Variants in MYO1E observed in about 807,000 individuals in gnomAD.
MYO1E encodes myosin IE, also known as unconventional myosin-Ie.
Under a neutral mutation model 151.1 loss-of-function variants are expected in MYO1E, and 68 were observed. The observed-to-expected ratio is 0.45, with a 90% confidence interval of 0.37 to 0.55. MYO1E has a LOEUF of 0.55. MYO1E is among the 20% of genes least tolerant of loss of function. The pLI, the probability that MYO1E is intolerant of heterozygous loss-of-function variation, is 0.00. For missense variants in MYO1E, 1,363 were observed against 1,389.3 expected (o/e 0.98, Z 0.30); for synonymous variants, 601 against 501.7 (o/e 1.20, Z -2.64).
At chr15:59,250,907 G>A (rs1308077995) in intron 4 of MYO1E, among the ~76,000 whole-genome samples, 4 of 152,142 alleles carry the variant, frequency 2.6e-5, no homozygotes, top group African/African-American at 9.7e-5. Context: ...CAGTGCAGGT[G>A]GACCTTGCAG....
At chr15:59,163,925 G>A (rs1053992771) in intron 22 of MYO1E, among the ~76,000 whole-genome samples, 2 of 152,202 alleles carry the variant, frequency 1.3e-5, no homozygotes, top group African/African-American at 4.8e-5. Context: ...CAGCAAACAA[G>A]CAAAAATCAT....
chr15:59,195,507 T>G lies in MYO1E; in HGVS notation c.1759A>C (p.Ile587Leu), dbSNP rs183502749. The change falls in exon 17 of 28, where the codon ATC becomes CTC. Residue 587 changes from isoleucine to leucine, a missense_variant. Transcript: ENST00000288235. ...MKCTPHYIRCIKPNETKKPRD... is the reference protein window; with the variant it reads ...MKCTPHYIRCLKPNETKKPRD... Reference sequence around the variant, plus strand: ...GGCTTCTTGGTTTCGTTTGGCTTGATGCAGCGAATGTAGTGGGGCGTACAT... The same window carrying G: ...GGCTTCTTGGTTTCGTTTGGCTTGAGGCAGCGAATGTAGTGGGGCGTACAT... The G allele has an allele frequency of 2.2e-5, 35 of 1,614,192 alleles. No individual in the cohort carries two copies. The Admixed American group carries it at 4.5e-4, about 21-fold the overall frequency.
At chr15:59,271,397 T>C (rs2080288309) in intron 2 of MYO1E, among the ~76,000 whole-genome samples, 1 of 152,222 alleles carries the variant, frequency 6.6e-6, no homozygotes, top group Non-Finnish European at 1.5e-5. Flanking sequence ...CAGAAGGCAC[T>C]ATTGGCATCA....
At chr15:59,273,429 A>G (rs1316583249) in intron 1 of MYO1E, among the ~76,000 whole-genome samples, 4 of 152,202 alleles carry the variant, frequency 2.6e-5, no homozygotes, top group African/African-American at 4.8e-5. Context: ...GGGCAGTTCA[A>G]AGTCCCTTGA....
intron 14 of MYO1E, chr15:59,207,683 C>T: frequency 6.2e-7 from 1 of 1,614,118 alleles, no homozygotes; most frequent in South Asian, 1.1e-5. Context: ...TCAAGTGTTC[C>T]TGTGTGGAGT....
intron 1 of MYO1E, among the ~76,000 whole-genome samples, chr15:59,347,835 C>A (rs545530629): frequency 1.3e-5 from 2 of 152,052 alleles, no homozygotes; most frequent in South Asian, 4.2e-4. Flanking sequence ...ACATAAGGAG[C>A]TAAAATTTAA....
At chr15:59,175,084 C>G (rs1444216108) in intron 19 of MYO1E, among the ~76,000 whole-genome samples, 1 of 152,162 alleles carries the variant, frequency 6.6e-6, no homozygotes, top group Non-Finnish European at 1.5e-5. Flanking sequence ...GCTACATGAG[C>G]CGCATACTCT....
Position 59,223,176 on chromosome 15 carries a change from T to C in MYO1E, c.793A>G (p.Ile265Val). 1 of 1,614,096 alleles carries C rather than the reference T, an allele frequency of 6.2e-7. No homozygotes were observed. The highest frequency in any genetic ancestry group is 8.5e-7 in the Non-Finnish European group (1 of 1,180,020). Residue 265 changes from isoleucine (I) to valine (V), a missense_variant, in exon 9 of 28, where the codon ATT (isoleucine) becomes GTT (valine). Physicochemically the swap from Ile to Val is conservative, Grantham distance 29. Coordinates refer to ENST00000288235, the MANE Select transcript of MYO1E (RefSeq NM_004998.4). ...FQETLHAMNV[I>V]GIFAEEQTLV... Reference sequence around the variant, plus strand: ...GTTTGCTCTTCTGCAAAGATCCCAATCACATTCATGGCGTGCTGGAAGAGA... The same window carrying C: ...GTTTGCTCTTCTGCAAAGATCCCAACCACATTCATGGCGTGCTGGAAGAGA...
At position 59,231,805 on chromosome 15, in the gene MYO1E, T is replaced by C. The variant is rs201452431; in HGVS notation, c.421-14A>G. On this transcript the variant is annotated splice_polypyrimidine_tract_variant and intron_variant, in intron 5 of 27. Coordinates refer to ENST00000288235, the MANE Select transcript of MYO1E (RefSeq NM_004998.4). ...GTCCTTCACGTGCTGTCCCAGCAAATAGACCGGAGGTTAGGAAGGTGTGAA... is the reference window on the plus strand; with the variant it reads ...GTCCTTCACGTGCTGTCCCAGCAAACAGACCGGAGGTTAGGAAGGTGTGAA... 1.4e-4 allele frequency: 224 copies of C among 1,613,768 alleles called. No individual in the cohort carries two copies. Among genetic ancestry groups the C allele is most frequent in the Admixed American group, 1.1e-3 (68 of 60,008 alleles).
At chr15:59,239,594 C>T (rs114464064) in intron 4 of MYO1E, among the ~76,000 whole-genome samples, 110 of 152,236 alleles carry the variant, frequency 7.2e-4, no homozygotes, top group African/African-American at 2.5e-3. Context: ...AATATTTTGT[C>T]TCTTTTGTTG....
chr15:59,348,117 T>G (rs2080804568), intron 1 of MYO1E, among the ~76,000 whole-genome samples: 1 of 151,618 alleles, frequency 6.6e-6, no homozygotes, highest in African/African-American at 2.4e-5. Flanking sequence ...TTTGGAGGCC[T>G]CTGGTCTAGG....
intron 25 of MYO1E, among the ~76,000 whole-genome samples, chr15:59,154,685 TC>T (rs1177856411): frequency 6.6e-6 from 1 of 152,200 alleles, no homozygotes; most frequent in Non-Finnish European, 1.5e-5. Flanking sequence ...TGGCTCTGCC[TC>T]TGAGAGCTAT....
At chr15:59,281,858 G>C (rs2080354977) in intron 1 of MYO1E, among the ~76,000 whole-genome samples, 1 of 152,060 alleles carries the variant, frequency 6.6e-6, no homozygotes, top group East Asian at 1.9e-4. Flanking sequence ...CAGGGCTTTG[G>C]GAAGCAAAGG....
At chr15:59,200,133 A>T (rs1276549721) in intron 16 of MYO1E, among the ~76,000 whole-genome samples, 1 of 152,178 alleles carries the variant, frequency 6.6e-6, no homozygotes, top group South Asian at 2.1e-4. Context: ...AAGAAAGGGG[A>T]CAAGTCTTTA....
chr15:59,357,227 G>A (rs1440112508), intron 1 of MYO1E, among the ~76,000 whole-genome samples: 6 of 151,910 alleles, frequency 3.9e-5, no homozygotes, highest in Non-Finnish European at 5.9e-5. Context: ...TTTTAAAATA[G>A]TATCATATAC....
At chr15:59,323,416 G>A (rs1396818356) in intron 1 of MYO1E, among the ~76,000 whole-genome samples, 1 of 151,906 alleles carries the variant, frequency 6.6e-6, no homozygotes, top group Non-Finnish European at 1.5e-5. Flanking sequence ...CACTTTGGGA[G>A]GCCGAGGTGG....
rs530797146 is a variant in MYO1E, at chr15:59,245,496, T to C, written c.333-8824A>G. Among the ~76,000 whole-genome samples the C allele has an allele frequency of 6.6e-5, 10 of 152,296 alleles. No individual in the cohort carries two copies. The South Asian group carries it at 1.9e-3, about 28-fold the overall frequency. On this transcript the variant is annotated intron_variant, in intron 4 of 27. Transcript: ENST00000288235. ...AATATCTCTCGCCTCTATTTATTATTTAAAAAAGTATTTATTTAGCTTCTA... is the reference window on the plus strand; with the variant it reads ...AATATCTCTCGCCTCTATTTATTATCTAAAAAAGTATTTATTTAGCTTCTA...
intron 21 of MYO1E, among the ~76,000 whole-genome samples, chr15:59,173,443 GACAA>G (rs35994028): frequency 2.6e-5 from 4 of 151,710 alleles, no homozygotes; most frequent in East Asian, 3.9e-4. Context: ...TTATTTAAAA[GACAA>G]ACAAAAAACC....
At chr15:59,181,033 G>GACCCCAGGGACTCCCAGCTGCTGGC (rs1237280677) in intron 18 of MYO1E, among the ~76,000 whole-genome samples, 3 of 152,066 alleles carry the variant, frequency 2.0e-5, no homozygotes, top group African/African-American at 7.2e-5. Context: ...ATGCAGCTGG[G>GACCCCAGGGACTCCCAGCTGCTGGC]ACCCCAGGGA....
Sources: gnomAD v4.1 joint callset for allele counts (sites outside exome capture counted in the v4.1 genomes callset) on GRCh38, gnomAD v4.1.1 for gene constraint, MANE v1.5 for transcripts, NCBI Gene and HGNC (gene_info 2026-07-23, HGNC 2026-07-21) for gene names.